The following ADORA1 variants were observed in gnomAD, a reference collection of about 807,000 sequenced individuals.
The protein encoded by ADORA1 is adenosine receptor A1.
Under a neutral mutation model 19.9 loss-of-function variants are expected in ADORA1, and 6 were observed. The ratio of observed to expected loss-of-function variants is 0.30; its 90% CI spans 0.17 to 0.59. The LOEUF (loss-of-function observed/expected upper bound fraction) is 0.59. Ranked by LOEUF, ADORA1 falls within the 20% of genes least tolerant of loss-of-function variation. The pLI, the probability that ADORA1 is intolerant of heterozygous loss-of-function variation, is 0.87. For missense variants in ADORA1, 302 were observed against 439.2 expected (o/e 0.69, Z 2.79); for synonymous variants, 194 against 188.4 (o/e 1.03, Z -0.24).
intron 3 of ADORA1, among the ~76,000 whole-genome samples, chr1:203,139,599 T>C (rs1302096827): frequency 6.6e-6 from 1 of 152,254 alleles, no homozygotes; most frequent in Non-Finnish European, 1.5e-5. Context: ...CATGTTCAGC[T>C]GCATGGGCAC....
At chr1:203,129,282 C>T in intron 3 of ADORA1, 100 bp downstream of exon 3, 1 of 1,498,928 alleles carries the variant, frequency 6.7e-7, no homozygotes, top group Non-Finnish European at 8.9e-7. Context: ...CCCAAGTAAG[C>T]CAGATGTTCT....
At chr1:203,161,496 G>T (rs531219901) in intron 3 of ADORA1, among the ~76,000 whole-genome samples, 24 of 151,826 alleles carry the variant, frequency 1.6e-4, no homozygotes, top group African/African-American at 5.6e-4. Context: ...CCAAAGGAAC[G>T]TCTCATTCCT....
In ADORA1 at chr1:203,165,761, C is replaced by G; in HGVS notation, c.842C>G (p.Ser281Trp). Reference sequence around the variant, plus strand: ...GCCATCTTCCTCACGCACGGCAACTCGGCCATGAACCCCATTGTCTATGCC... The same window carrying G: ...GCCATCTTCCTCACGCACGGCAACTGGGCCATGAACCCCATTGTCTATGCC... The part of the protein sequence containing the change: ...YIAIFLTHGN[S>W]AMNPIVYAFR... The change falls in exon 4 of 4, where the codon TCG becomes TGG. Residue 281 changes from serine (S) to tryptophan (W), a missense_variant. By Grantham distance (177) the Ser-to-Trp change is radical. Coordinates refer to ENST00000337894, the MANE Select transcript of ADORA1 (RefSeq NM_000674.3). This position sits in a 1 kb window ranked among gnomAD's most constrained non-coding sequence, Gnocchi z 5.9. 1 of 1,613,944 alleles carries G rather than the reference C, an allele frequency of 6.2e-7. No individual in the cohort carries two copies. The highest frequency in any genetic ancestry group is 8.5e-7 in the Non-Finnish European group (1 of 1,179,856).
intron 3 of ADORA1, among the ~76,000 whole-genome samples, chr1:203,141,501 G>T (rs1301946208): frequency 6.6e-6 from 1 of 151,126 alleles, no homozygotes. Context: ...TGCTGGAATG[G>T]TACCTCACCA....
intron 3 of ADORA1, among the ~76,000 whole-genome samples, chr1:203,157,493 T>C (rs1267761289): frequency 6.6e-6 from 1 of 152,212 alleles, no homozygotes; most frequent in Non-Finnish European, 1.5e-5. Flanking sequence ...CCTGCAGCTC[T>C]CCCATACTGG....
chr1:203,148,102 C>G (rs1654919362), intron 3 of ADORA1, among the ~76,000 whole-genome samples: 1 of 152,120 alleles, frequency 6.6e-6, no homozygotes, highest in Non-Finnish European at 1.5e-5. Context: ...GCCTGTAGTC[C>G]CAGCTACTCG....
chr1:203,150,910 C>T (rs1203693860), intron 3 of ADORA1: 1 of 842,950 alleles, frequency 1.2e-6, no homozygotes, highest in African/African-American at 1.8e-5. Flanking sequence ...GCAGCTGCCT[C>T]CTCAGAGCAC....
At chr1:203,157,352 AC>A (rs1174425245) in intron 3 of ADORA1, among the ~76,000 whole-genome samples, 20 of 151,784 alleles carry the variant, frequency 1.3e-4, no homozygotes, top group Non-Finnish European at 2.7e-4. Flanking sequence ...GTAAGTCCAA[AC>A]CCCAACAAGC....
chr1:203,127,952 C>T (rs1032964335), intron 1 of ADORA1, 24 bp downstream of exon 1: 1 of 169,134 alleles, frequency 5.9e-6, no homozygotes, highest in East Asian at 1.8e-4. Flanking sequence ...TCGGTTCACC[C>T]CTGGGGCTCC....
chr1:203,155,394 ACTAT>A (rs1655169289), intron 3 of ADORA1, among the ~76,000 whole-genome samples: 1 of 152,106 alleles, frequency 6.6e-6, no homozygotes, highest in African/African-American at 2.4e-5. Flanking sequence ...AGTCAACCTA[ACTAT>A]CAGTCCCCAA....
chr1:203,147,108 C>T (rs1654881279), intron 3 of ADORA1, among the ~76,000 whole-genome samples: 1 of 152,240 alleles, frequency 6.6e-6, no homozygotes, highest in Non-Finnish European at 1.5e-5. Context: ...AGGCACTGAA[C>T]CTTCCTGGAC....
In ADORA1 at chr1:203,128,160, C is replaced by A; in HGVS notation, c.-212-118C>A. ...TAGGGAGAAACGCCCCAGCCTTGTC[C>A]TGGGCTCCGTCCCCAGACCCACGTC... On this transcript the variant is annotated intron_variant, in intron 1 of 3. Coordinates refer to ENST00000337894, the MANE Select transcript of ADORA1 (RefSeq NM_000674.3). The surrounding 1 kb of genome is among the most constrained non-coding windows in gnomAD (Gnocchi z 5.9). The A allele has an allele frequency of 2.5e-6, 1 of 407,060 alleles. No individual in the cohort carries two copies. The highest frequency in any genetic ancestry group is 4.4e-6 in the Non-Finnish European group (1 of 229,102). 25.2% of individuals were successfully genotyped at this position (407,060 alleles called of 1,614,324 possible). A position where few individuals can be genotyped will look rare whatever the true frequency, so the allele number is the denominator to read the frequency against.
rs556382435 is a variant in ADORA1, at chr1:203,128,311, G to T, written c.-179G>T. On this transcript the variant is annotated 5_prime_UTR_variant, in exon 2 of 4. Transcript: ENST00000337894. The surrounding 1 kb of genome is among the most constrained non-coding windows in gnomAD (Gnocchi z 5.9). ...GGGAGCGCTGCGGCGGGAGCCGGAG[G>T]ACTATGAGCTGCCGCGCGTTGTCCA... The T allele has an allele frequency of 7.8e-7, 1 of 1,283,542 alleles. No individual in the cohort carries two copies. Among genetic ancestry groups the T allele is most frequent in the African/African-American group, 1.5e-5 (1 of 65,796 alleles). 79.5% of individuals were successfully genotyped at this position (1,283,542 alleles called of 1,614,324 possible). A position where few individuals can be genotyped will look rare whatever the true frequency, so the allele number is the denominator to read the frequency against.
chr1:203,154,812 G>C (rs1655144855), intron 3 of ADORA1, among the ~76,000 whole-genome samples: 1 of 152,202 alleles, frequency 6.6e-6, no homozygotes, highest in African/African-American at 2.4e-5. Flanking sequence ...GACAGCTTCA[G>C]AACCAGCACA....
rs16851030 is a variant in ADORA1, at chr1:203,166,324, C to T, written c.*424C>T. On this transcript the variant is annotated 3_prime_UTR_variant, in exon 4 of 4. Transcript: ENST00000337894. ...TTGTCTTAGATGTTGGTGGTGCAGC[C>T]CCAGGACCAAGCTTAAGGAGAGGAG... The T allele has an allele frequency of 0.075, 12,330 of 163,922 alleles. 767 individuals carry two copies. Among genetic ancestry groups the T allele is most frequent in the East Asian group, 0.35 (1,960 of 5,538 alleles). 10.2% of individuals were successfully genotyped at this position (163,922 alleles called of 1,614,324 possible).
In ADORA1 at chr1:203,150,511, A is replaced by G. The variant is rs537700760; in HGVS notation, c.342-14750A>G. The stretch of plus-strand genomic sequence containing the variant: ...GCATCAGGAGATACCAGGAGGGTCA[A>G]TGGAAAACTGCTGGGTCCTGGGGTC... On this transcript the variant is annotated intron_variant, in intron 3 of 3. Coordinates refer to ENST00000337894, the MANE Select transcript of ADORA1 (RefSeq NM_000674.3). The G allele has an allele frequency of 3.8e-5, 36 of 951,278 alleles. No homozygotes were observed. The African/African-American group carries it at 4.5e-4, about 12-fold the overall frequency. The allele number at this position is 951,278 out of a possible 1,614,324, so 58.9% of individuals were successfully genotyped here.
chr1:203,165,102 ACT>A lies in ADORA1; in HGVS notation c.342-157_342-156del. On this transcript the variant is annotated intron_variant, in intron 3 of 3. Coordinates refer to ENST00000337894, the MANE Select transcript of ADORA1 (RefSeq NM_000674.3). The surrounding 1 kb of genome is among the most constrained non-coding windows in gnomAD (Gnocchi z 5.9). ...AAGCACTAAATCTTAGATCCTGAAG[ACT>A]CAGCCCTCGAGCAAAAGACATGCAC... 1 of 1,551,280 alleles carries A rather than the reference ACT, an allele frequency of 6.4e-7. No homozygotes were observed. The highest frequency in any genetic ancestry group is 1.4e-5 in the African/African-American group (1 of 73,170).
intron 3 of ADORA1, among the ~76,000 whole-genome samples, chr1:203,153,795 TG>T (rs1241761219): frequency 2.0e-5 from 3 of 152,210 alleles, no homozygotes; most frequent in African/African-American, 7.2e-5. Flanking sequence ...TCTGGTTTCC[TG>T]TTCTCCTTGG....
intron 3 of ADORA1, among the ~76,000 whole-genome samples, chr1:203,129,435 C>G (rs1654263727): frequency 6.6e-6 from 1 of 152,160 alleles, no homozygotes; most frequent in African/African-American, 2.4e-5. Flanking sequence ...GCTCTTGCAG[C>G]CAGGGAACCT....
Sources: allele counts gnomAD v4.1 joint callset (sites outside exome capture counted in the v4.1 genomes callset), GRCh38; gene constraint gnomAD v4.1.1; non-coding constraint Gnocchi (gnomAD v3.1); transcripts MANE v1.5; gene names NCBI Gene and HGNC (gene_info 2026-07-23, HGNC 2026-07-21).